The following APBB2 variants were observed in gnomAD, a reference collection of about 807,000 sequenced individuals.
The protein encoded by APBB2 is Fe65-like 1.
Under a neutral mutation model 82.5 loss-of-function variants are expected in APBB2, and 38 were observed. The observed-to-expected ratio is 0.46, with a 90% CI of 0.36 to 0.60. The LOEUF is 0.60. Among genes scored for constraint, APBB2 ranks in the 20% least tolerant of loss-of-function variants. The pLI, the probability that APBB2 is intolerant of heterozygous loss-of-function variation, is 0.00. For synonymous variants in APBB2, 341 were observed against 368.2 expected, an observed-to-expected ratio of 0.93 and a Z score of 0.85; for missense variants, 772 against 972.3, an observed-to-expected ratio of 0.79 and a Z score of 2.74.
At chr4:40,905,404 C>T (rs1160882358) in intron 10 of APBB2, among the ~76,000 whole-genome samples, 1 of 152,224 alleles carries the variant, frequency 6.6e-6, no homozygotes, top group Non-Finnish European at 1.5e-5. Context: ...AGTTGAGCAG[C>T]GGCCTCACAA....
intron 1 of APBB2, among the ~76,000 whole-genome samples, chr4:41,179,599 C>A (rs1770784127): frequency 6.6e-6 from 1 of 152,138 alleles, no homozygotes; most frequent in Admixed American, 6.5e-5. Context: ...AGCCCAGAAC[C>A]ACAACTCTAA....
chr4:41,048,692 C>CTCTCCT (rs1560610969), intron 4 of APBB2, among the ~76,000 whole-genome samples: 1 of 150,032 alleles, frequency 6.7e-6, no homozygotes, highest in Non-Finnish European at 1.5e-5. Context: ...CTCCCTCTCC[C>CTCTCCT]TCTCCTTCCA....
At chr4:40,851,717 C>CATATATATATATAT (rs3086183) in intron 12 of APBB2, among the ~76,000 whole-genome samples, 62 of 115,998 alleles carry the variant, frequency 5.3e-4, no homozygotes, top group Non-Finnish European at 9.1e-4. Flanking sequence ...ATTTTCTATG[C>CATATATATATATAT]ATATATATAT....
chr4:40,914,359 C>T (rs1050876986), intron 10 of APBB2, among the ~76,000 whole-genome samples: 2 of 151,570 alleles, frequency 1.3e-5, no homozygotes, highest in Admixed American at 6.6e-5. Context: ...GGTGACAGAG[C>T]GAGACTCCAT....
intron 6 of APBB2, among the ~76,000 whole-genome samples, chr4:40,956,889 A>G (rs761426642): frequency 9.8e-5 from 15 of 152,292 alleles, no homozygotes; most frequent in Admixed American, 7.2e-4. Context: ...AAGTTTCTTA[A>G]TTTAAACACA....
chr4:40,831,053 CGT>C (rs1358042847), intron 12 of APBB2, among the ~76,000 whole-genome samples: 22 of 152,246 alleles, frequency 1.4e-4, no homozygotes, highest in African/African-American at 5.1e-4. Context: ...GAGCTATAAT[CGT>C]ACCACTGCAC....
chr4:40,822,838 G>A (rs979035080), intron 16 of APBB2, among the ~76,000 whole-genome samples: 1 of 152,208 alleles, frequency 6.6e-6, no homozygotes, highest in African/African-American at 2.4e-5. Flanking sequence ...GGAGGCTGTG[G>A]TGGTGATCTG....
At chr4:41,095,667 C>T (rs1301131596) in intron 3 of APBB2, among the ~76,000 whole-genome samples, 1 of 152,204 alleles carries the variant, frequency 6.6e-6, no homozygotes, top group Admixed American at 6.5e-5. Context: ...AGCTTGATGA[C>T]AAGTGTGCTG....
chr4:40,922,321 CTATG>C (rs974792196), intron 10 of APBB2, among the ~76,000 whole-genome samples: 13 of 152,322 alleles, frequency 8.5e-5, no homozygotes, highest in African/African-American at 2.4e-4. Context: ...TACTACCCTG[CTATG>C]TATGTACTAG....
chr4:41,209,132 G>T (rs1337308207), intron 1 of APBB2, among the ~76,000 whole-genome samples: 2 of 152,008 alleles, frequency 1.3e-5, no homozygotes, highest in Non-Finnish European at 2.9e-5. Flanking sequence ...CTCCTAACAG[G>T]GGTCCAGGAA....
At chr4:41,116,731 G>A (rs1751100318) in intron 2 of APBB2, among the ~76,000 whole-genome samples, 1 of 152,148 alleles carries the variant, frequency 6.6e-6, no homozygotes. Context: ...GTTAATAATT[G>A]TATAAATGAG....
intron 1 of APBB2, among the ~76,000 whole-genome samples, chr4:41,194,509 C>A: frequency 1.3e-5 from 2 of 152,090 alleles, no homozygotes; most frequent in Non-Finnish European, 2.9e-5. Flanking sequence ...ATGGCAAAAC[C>A]CTGTCTCTAC....
At chr4:40,857,802 G>T (rs112136368) in intron 12 of APBB2, among the ~76,000 whole-genome samples, 10 of 151,858 alleles carry the variant, frequency 6.6e-5, no homozygotes, top group African/African-American at 2.4e-4. Flanking sequence ...GGGGCGAGTG[G>T]GGGAAATGGG....
At chr4:40,891,346 G>GC (rs1222655053) in intron 11 of APBB2, among the ~76,000 whole-genome samples, 1 of 152,062 alleles carries the variant, frequency 6.6e-6, no homozygotes, top group East Asian at 1.9e-4. Context: ...AATCTCCCCG[G>GC]CATAATTTTA....
Position 40,980,005 on chromosome 4 carries a change from C to T in APBB2, c.835+33578G>A, listed in dbSNP as rs980309708. Among the ~76,000 whole-genome samples the T allele has an allele frequency of 5.3e-5, 8 of 152,294 alleles. No individual in the cohort carries two copies. The East Asian group carries it at 5.8e-4, about 11-fold the overall frequency. ...TGGAACAAAACCAGGAACTACTTGC[C>T]TATTTCACCACTAGCTGGAATTTTC... On this transcript the variant is annotated intron_variant, in intron 6 of 17. Transcript: ENST00000508593.
At chr4:40,905,417 C>G (rs1578325207) in intron 10 of APBB2, among the ~76,000 whole-genome samples, 1 of 152,184 alleles carries the variant, frequency 6.6e-6, no homozygotes, top group East Asian at 1.9e-4. Context: ...CCTCACAATC[C>G]TTCTTCACAC....
chr4:40,826,971 CTG>C lies in APBB2; in HGVS notation c.1732+159_1732+160del. On this transcript the variant is annotated intron_variant, in intron 14 of 17. Transcript: ENST00000508593. The surrounding 1 kb of genome is among the most constrained non-coding windows in gnomAD (Gnocchi z 4.5). ...TAACCCTAGTGATGCAAAATCAACT[CTG>C]TGCCTCTGTGAGACCCAGCGTGCAG... is the stretch of plus-strand genomic sequence containing the variant. The C allele has an allele frequency of 3.2e-6, 2 of 629,576 alleles. No individual in the cohort carries two copies. The highest frequency in any genetic ancestry group is 4.0e-5 in the South Asian group (2 of 50,022). 39.0% of individuals were successfully genotyped at this position (629,576 alleles called of 1,614,324 possible). A position where few individuals can be genotyped will look rare whatever the true frequency, so the allele number is the denominator to read the frequency against.
At chr4:40,980,790 C>G (rs182742156) in intron 6 of APBB2, among the ~76,000 whole-genome samples, 1 of 152,256 alleles carries the variant, frequency 6.6e-6, no homozygotes, top group Admixed American at 6.5e-5. Context: ...AAGAAATGTC[C>G]AAAGGCACTA....
At chr4:40,969,005 C>T (rs151213808) in intron 6 of APBB2, among the ~76,000 whole-genome samples, 206 of 152,318 alleles carry the variant, frequency 1.4e-3, no homozygotes, top group African/African-American at 4.9e-3. Flanking sequence ...GGCTCTCATT[C>T]TCTCTTGCCT....
Sources: gnomAD v4.1 joint callset for allele counts (sites outside exome capture counted in the v4.1 genomes callset) on GRCh38, gnomAD v4.1.1 for gene constraint, Gnocchi (gnomAD v3.1) non-coding constraint, MANE v1.5 for transcripts, NCBI Gene and HGNC (gene_info 2026-07-23, HGNC 2026-07-21) for gene names.